The following FATE1 variants were observed in gnomAD, a reference collection of about 807,000 sequenced individuals.
The protein encoded by FATE1 is fetal and adult testis expressed 1.
FATE1 carries 18 observed loss-of-function variants against 16.0 expected under a neutral mutation model. That is an observed-to-expected ratio of 1.12 (90% CI 0.78 to 1.66). FATE1 has a LOEUF of 1.66. FATE1 is among the 40% of genes most tolerant of loss of function. The pLI, the probability that FATE1 is intolerant of heterozygous loss-of-function variation, is 0.00. For synonymous variants in FATE1, 76 were observed against 56.9 expected, an observed-to-expected ratio of 1.34 and a Z score of -1.51; for missense variants, 169 against 152.7, an observed-to-expected ratio of 1.11 and a Z score of -0.56.
Position 151,723,022 on chromosome X carries a change from G to GC in FATE1, c.*267dup, listed in dbSNP as rs1006225705. On this transcript the variant is annotated 3_prime_UTR_variant, in exon 5 of 5. Transcript: ENST00000370350. ...GGGTGAACAGCATGGCGGCATCTGG[G>GC]CCCCACAGTAACACCTAGTGGCAAC... The GC allele has an allele frequency of 1.6e-4, 55 of 342,396 alleles. No homozygotes were observed. The highest frequency in any genetic ancestry group is 3.2e-4 in the African/African-American group (12 of 37,769). 28.2% of individuals were successfully genotyped at this position (342,396 alleles called of 1,213,427 possible).
Position 151,721,054 on chromosome X carries a change from C to G in FATE1, c.235-341C>G, listed in dbSNP as rs867182760. The stretch of plus-strand genomic sequence containing the variant: ...GGCCTCCATGGCCTGGGCTGCCAAT[C>G]AAGGTTTTACGTTCTCCTTCAGTAG... On this transcript the variant is annotated intron_variant, in intron 2 of 4. Coordinates refer to ENST00000370350, the MANE Select transcript of FATE1 (RefSeq NM_033085.3). 1.2e-4 allele frequency among the ~76,000 whole-genome samples: 14 copies of G among 112,783 alleles called. No homozygotes were observed. The South Asian group carries it at 2.2e-3, about 18-fold the overall frequency.
intron 2 of FATE1, among the ~76,000 whole-genome samples, chrX:151,720,622 T>C (rs1434189037): frequency 2.7e-5 from 3 of 112,148 alleles, no homozygotes; most frequent in Non-Finnish European, 3.8e-5. Flanking sequence ...AATGATACCG[T>C]TTCACAGGGC....
Position 151,716,174 on chromosome X carries a change from G to A in FATE1, c.55G>A (p.Glu19Lys). 1 of 1,167,964 alleles carries A rather than the reference G, an allele frequency of 8.6e-7. No individual in the cohort carries two copies. The highest frequency in any genetic ancestry group is 1.9e-5 in the South Asian group (1 of 52,629). ...GGAGATGGAAATGTCCCTGGCAGAA[G>A]AACTGAATCATGGACGCCAAGGGGA... Reference protein sequence around the residue: ...KAEMEMSLAEELNHGRQGENQ... With the variant: ...KAEMEMSLAEKLNHGRQGENQ... The change falls in exon 1 of 5, where the codon GAA becomes AAA. Residue 19 changes from glutamate (E) to lysine (K), a missense_variant. Transcript: ENST00000370350.
At position 151,721,399 on chromosome X, in the gene FATE1, C is replaced by T; in HGVS notation, c.239C>T (p.Ser80Phe). The T allele has an allele frequency of 3.3e-6, 4 of 1,211,380 alleles. No homozygotes were observed. Among genetic ancestry groups the T allele is most frequent in the Non-Finnish European group, 4.5e-6 (4 of 894,815 alleles). ...MTATRPKKMGSQLPKPRMLRE... is the reference protein window; with the variant it reads ...MTATRPKKMGFQLPKPRMLRE... ...ACTGACCATTCCTTTCTTCAGGGGT[C>T]CCAGCTGCCAAAGCCCAGAATGCTG... Residue 80 changes from serine to phenylalanine, a missense_variant, in exon 3 of 5, where the codon TCC becomes TTC. Coordinates refer to ENST00000370350, the MANE Select transcript of FATE1 (RefSeq NM_033085.3).
chrX:151,721,943 G>A lies in FATE1; in HGVS notation c.382G>A (p.Glu128Lys). The A allele has an allele frequency of 1.7e-6, 2 of 1,211,549 alleles. No homozygotes were observed. Among genetic ancestry groups the A allele is most frequent in the South Asian group, 1.8e-5 (1 of 56,938 alleles). ...TDAVAQTSLE[E>K]FNVLEMEVMR... ...TGCAGTGGCGCAGACTAGCCTGGAA[G>A]AGTTCAATGTACTGGAGATGGAAGT... The change falls in exon 4 of 5, where the codon GAG (glutamate) becomes AAG (lysine). Residue 128 changes from glutamate (E) to lysine (K), a missense_variant. Physicochemically the swap from Glu to Lys is moderately conservative, Grantham distance 56. Transcript: ENST00000370350.
rs2015130169 is a variant in FATE1 at position 151,722,773 on chromosome X, G to A, written c.*14G>A. ...ATGAACCAGTGATCGCCCCAGCGCGGCCTCCGTATTGGAGCCCTCCCTGCT... is the reference window on the plus strand; with the variant it reads ...ATGAACCAGTGATCGCCCCAGCGCGACCTCCGTATTGGAGCCCTCCCTGCT... On this transcript the variant is annotated 3_prime_UTR_variant, in exon 5 of 5. Coordinates refer to ENST00000370350, the MANE Select transcript of FATE1 (RefSeq NM_033085.3). The A allele has an allele frequency of 8.3e-7, 1 of 1,198,274 alleles. No homozygotes were observed. The highest frequency in any genetic ancestry group is 1.8e-5 in the South Asian group (1 of 54,787).
chrX:151,717,331 C>T lies in FATE1; in HGVS notation c.166C>T (p.Gln56Ter). The T allele has an allele frequency of 8.3e-7, 1 of 1,208,551 alleles. No individual in the cohort carries two copies. The highest frequency in any genetic ancestry group is 1.1e-6 in the Non-Finnish European group (1 of 893,630). ...GASQKKQKLE[Q>*]KAAGSASAKR... ...CTCCCAGAAGAAGCAGAAGTTGGAA[C>T]AAAAAGCTGCTGGCTCTGCTTCAGC... Residue 56 changes from glutamine to a stop codon, truncating the protein, a stop_gained, in exon 2 of 5, where the codon CAA becomes TAA. Coordinates refer to ENST00000370350, the MANE Select transcript of FATE1 (RefSeq NM_033085.3). LOFTEE classifies it high-confidence loss of function.
In FATE1 at chrX:151,722,611, C is replaced by T; in HGVS notation, c.421-17C>T. The stretch of plus-strand genomic sequence containing the variant: ...GAAGAGCCTCGCTCAGCAGCCCTGC[C>T]TTTGACTCCTCTGCAGCTGTATGCA... On this transcript the variant is annotated splice_polypyrimidine_tract_variant and intron_variant, in intron 4 of 4. Transcript: ENST00000370350. 1.6e-6 allele frequency: 2 copies of T among 1,212,149 alleles called. No homozygotes were observed. Among genetic ancestry groups the T allele is most frequent in the Non-Finnish European group, 2.2e-6 (2 of 895,473 alleles).
At chrX:151,717,566 G>T (rs764847672) in intron 2 of FATE1, among the ~76,000 whole-genome samples, 167 bp downstream of exon 2, 1 of 112,093 alleles carries the variant, frequency 8.9e-6, no homozygotes, top group East Asian at 2.8e-4. Flanking sequence ...CCAATTAAAG[G>T]TCAGGGTCAT....
chrX:151,722,712 C>T lies in FATE1; in HGVS notation c.505C>T (p.Leu169=), dbSNP rs762414787. The change falls in exon 5 of 5, where the codon CTG becomes TTG. Residue 169 remains leucine (L), a synonymous_variant. Transcript: ENST00000370350. The part of the protein sequence containing the change: ...RHRETLIIAV[L]VSASIANLWL... ...CAGGGAGACCCTGATCATCGCCGTGCTGGTGTCGGCCAGCATTGCCAACCT... is the reference window on the plus strand; with the variant it reads ...CAGGGAGACCCTGATCATCGCCGTGTTGGTGTCGGCCAGCATTGCCAACCT... The T allele has an allele frequency of 9.0e-5, 109 of 1,211,021 alleles. No individual in the cohort carries two copies. The South Asian group carries it at 1.9e-3, about 21-fold the overall frequency.
In FATE1 at chrX:151,721,501, G is replaced by A. The variant is rs149441058; in HGVS notation, c.341G>A (p.Arg114His). 7.5e-6 allele frequency: 9 copies of A among 1,204,043 alleles called. No homozygotes were observed. Among genetic ancestry groups the A allele is most frequent in the South Asian group, 3.5e-5 (2 of 56,680 alleles). ...CAAGGCATACGTTTCCATTATGATC[G>A]GTAAGAGCTGAGGGTCTGTGGGCCC... is the stretch of plus-strand genomic sequence containing the variant. ...NFQGIRFHYD[R>H]NPGTDAVAQT... Residue 114 changes from arginine (R) to histidine (H), a missense_variant and splice_region_variant, in exon 3 of 5, where the codon CGC becomes CAC. By Grantham distance (29) the Arg-to-His change is conservative. Coordinates refer to ENST00000370350, the MANE Select transcript of FATE1 (RefSeq NM_033085.3).
intron 1 of FATE1, among the ~76,000 whole-genome samples, chrX:151,716,966 G>C (rs1219453050): frequency 1.8e-5 from 2 of 111,627 alleles, no homozygotes; most frequent in Non-Finnish European, 3.8e-5. Flanking sequence ...TTTTACACCT[G>C]TCATTCCCCC....
intron 1 of FATE1, 127 bp from the exon 2 acceptor site, chrX:151,717,145 G>A: frequency 3.7e-6 from 3 of 802,900 alleles, no homozygotes; most frequent in Non-Finnish European, 5.2e-6. Flanking sequence ...GATGGACAGT[G>A]GTTAATGGGT....
At chrX:151,721,042 T>C (rs762231982) in intron 2 of FATE1, among the ~76,000 whole-genome samples, 204 of 112,926 alleles carry the variant, frequency 1.8e-3, no homozygotes, top group African/African-American at 6.4e-3. Flanking sequence ...CTCCATGGCC[T>C]GGGCTGCCAA....
chrX:151,717,201 T>C, intron 1 of FATE1, 71 bp from the exon 2 acceptor site: 2 of 1,128,106 alleles, frequency 1.8e-6, no homozygotes, highest in South Asian at 2.0e-5. Context: ...TTCTTTTTGG[T>C]GTGTTTTGTG....
Position 151,720,999 on chromosome X carries a change from G to A in FATE1, c.235-396G>A, listed in dbSNP as rs536292267. On this transcript the variant is annotated intron_variant, in intron 2 of 4. Coordinates refer to ENST00000370350, the MANE Select transcript of FATE1 (RefSeq NM_033085.3). The stretch of plus-strand genomic sequence containing the variant: ...TAGCCTTAGCCCTGACATTTACCAC[G>A]CATCCTTGGAAAGTAAAGGCATCTC... 8.0e-5 allele frequency among the ~76,000 whole-genome samples: 9 copies of A among 112,611 alleles called. No homozygotes were observed. In the South Asian group the frequency reaches 3.3e-3, roughly 41 times the overall value.
chrX:151,718,508 T>C (rs1269043608), intron 2 of FATE1, among the ~76,000 whole-genome samples: 1 of 112,106 alleles, frequency 8.9e-6, no homozygotes, highest in East Asian at 2.8e-4. Context: ...AGGGAAAGTT[T>C]TAGAAAAATT....
chrX:151,721,881 A>G (rs1556272992), intron 3 of FATE1, 22 bp from the exon 4 acceptor site: 6 of 1,204,809 alleles, frequency 5.0e-6, no homozygotes, highest in Admixed American at 2.2e-5. Flanking sequence ...AGCTTTGACC[A>G]TCTGTCTTTT....
At position 151,723,005 on chromosome X, in the gene FATE1, A is replaced by G; in HGVS notation, c.*246A>G. On this transcript the variant is annotated 3_prime_UTR_variant, in exon 5 of 5. Transcript: ENST00000370350. The stretch of plus-strand genomic sequence containing the variant: ...AGATGCCACCCTTTGAAGGGTGAAC[A>G]GCATGGCGGCATCTGGGCCCCACAG... 1 of 362,115 alleles carries G rather than the reference A, an allele frequency of 2.8e-6. No individual in the cohort carries two copies. The highest frequency in any genetic ancestry group is 4.7e-6 in the Non-Finnish European group (1 of 210,910). The allele number at this position is 362,115 out of a possible 1,213,427, so 29.8% of individuals were successfully genotyped here.
Sources: allele counts gnomAD v4.1 joint callset (sites outside exome capture counted in the v4.1 genomes callset), GRCh38; gene constraint gnomAD v4.1.1; transcripts MANE v1.5; gene names NCBI Gene and HGNC (gene_info 2026-07-23, HGNC 2026-07-21).